The following ITSN1 variants were observed in gnomAD, a reference collection of about 807,000 sequenced individuals.
ITSN1 encodes the protein intersectin-1.
ITSN1 carries 58 observed loss-of-function variants against 239.8 expected under a neutral mutation model. The ratio of observed to expected loss-of-function variants is 0.24; its 90% CI spans 0.20 to 0.30. The LOEUF (loss-of-function observed/expected upper bound fraction) is 0.30, where lower values mean the gene tolerates loss of function less well. ITSN1 is among the 10% of genes least tolerant of loss of function. The pLI, the probability that ITSN1 is intolerant of heterozygous loss-of-function variation, is 1.00. For missense variants in ITSN1, 1,558 were observed against 2,103.3 expected (o/e 0.74, Z 5.07); for synonymous variants, 780 against 770.8 (o/e 1.01, Z -0.20).
intron 20 of ITSN1, among the ~76,000 whole-genome samples, chr21:33,809,800 AT>A (rs201399751): frequency 1.9e-4 from 29 of 150,676 alleles, no homozygotes; most frequent in Non-Finnish European, 2.2e-4. Context: ...TGAAAATAAA[AT>A]TTTTTTTTTG....
At chr21:33,819,906 C>T (rs1343491811) in intron 24 of ITSN1, among the ~76,000 whole-genome samples, 2 of 152,132 alleles carry the variant, frequency 1.3e-5, no homozygotes, top group African/African-American at 4.8e-5. Context: ...GGCGTGAACC[C>T]GGGAAGCGGA....
intron 14 of ITSN1, among the ~76,000 whole-genome samples, chr21:33,778,526 T>A (rs2069834425): frequency 6.6e-6 from 1 of 150,978 alleles, no homozygotes; most frequent in Admixed American, 6.6e-5. Flanking sequence ...GTTTATATTA[T>A]CTAAATTATT....
intron 20 of ITSN1, among the ~76,000 whole-genome samples, chr21:33,804,833 CTAA>C (rs1202758249): frequency 6.6e-6 from 1 of 152,040 alleles, no homozygotes; most frequent in African/African-American, 2.4e-5. Context: ...TACACTAACA[CTAA>C]TAATAGCTGA....
chr21:33,774,820 A>G lies in ITSN1; in HGVS notation c.1397A>G (p.Glu466Gly). The G allele has an allele frequency of 6.2e-7, 1 of 1,614,018 alleles. No individual in the cohort carries two copies. The highest frequency in any genetic ancestry group is 8.5e-7 in the Non-Finnish European group (1 of 1,179,900). ...CTAAATCAAAGAAACAAAGAACAAG[A>G]GGACATAGTTGTACTGAAAGCAAAG... ...ELLNQRNKEQ[E>G]DIVVLKAKKK... Residue 466 changes from glutamate (E) to glycine (G), a missense_variant, in exon 13 of 40, where the codon GAG becomes GGG. Coordinates refer to ENST00000381318, the MANE Select transcript of ITSN1 (RefSeq NM_003024.3).
At chr21:33,715,867 A>G (rs1601802995) in intron 1 of ITSN1, among the ~76,000 whole-genome samples, 1 of 152,150 alleles carries the variant, frequency 6.6e-6, no homozygotes, top group Admixed American at 6.5e-5. Flanking sequence ...GCAGTGAGCC[A>G]AGATTGCACC....
In ITSN1 at chr21:33,865,217, G is replaced by C. The variant is rs760139589; in HGVS notation, c.3957G>C (p.Leu1319=). Residue 1319 remains leucine, a synonymous_variant, in exon 32 of 40, where the codon CTG becomes CTC. Transcript: ENST00000381318. The surrounding 1 kb of genome is among the most constrained non-coding windows in gnomAD (Gnocchi z 4.4). ...KMPVKMIGDI[L]SAQLPHMQPY... Reference sequence around the variant, plus strand: ...CTGTGAAGATGATTGGAGACATCCTGAGCGCACAGCTGCCGCACATGCAGC... The same window carrying C: ...CTGTGAAGATGATTGGAGACATCCTCAGCGCACAGCTGCCGCACATGCAGC... The C allele has an allele frequency of 6.2e-7, 1 of 1,613,954 alleles. No homozygotes were observed. The highest frequency in any genetic ancestry group is 8.5e-7 in the Non-Finnish European group (1 of 1,179,978).
intron 1 of ITSN1, among the ~76,000 whole-genome samples, chr21:33,665,351 T>C (rs990084392): frequency 6.6e-6 from 1 of 152,062 alleles, no homozygotes; most frequent in African/African-American, 2.4e-5. Flanking sequence ...AAAGAAGATA[T>C]CCAAATGGTC....
At chr21:33,799,538 C>A (rs1333816425) in intron 18 of ITSN1, among the ~76,000 whole-genome samples, 5 of 152,258 alleles carry the variant, frequency 3.3e-5, no homozygotes, top group African/African-American at 1.2e-4. Context: ...AGACAAGGGA[C>A]CTTTAGGCAG....
intron 16 of ITSN1, among the ~76,000 whole-genome samples, chr21:33,793,000 T>A (rs2071266749): frequency 6.6e-6 from 1 of 151,714 alleles, no homozygotes; most frequent in Non-Finnish European, 1.5e-5. Flanking sequence ...GACCCCTATC[T>A]CCAGTTAAAC....
intron 33 of ITSN1, among the ~76,000 whole-genome samples, chr21:33,874,307 A>G (rs560189630): frequency 6.6e-6 from 1 of 152,152 alleles, no homozygotes; most frequent in South Asian, 2.1e-4. Flanking sequence ...AAAAGCGCAC[A>G]CTTGCTCTGA....
Position 33,876,135 on chromosome 21 carries a change from TTC to T in ITSN1, c.4341+616_4341+617del, listed in dbSNP as rs1290673997. ...TTTCTTTCTTTCTTTCTTTCTTTCT[TTC>T]TTTCTTTCTTTCTTTCTCTCTCTCC... On this transcript the variant is annotated intron_variant, in intron 34 of 39. Transcript: ENST00000381318. Among the ~76,000 whole-genome samples, 10 of 15,068 alleles carry T rather than the reference TTC, an allele frequency of 6.6e-4. No individual in the cohort carries two copies. In the African/African-American group the frequency reaches 9.7e-3, roughly 15 times the overall value. The allele number at this position is 15,068 out of a possible 152,430, so 9.9% of individuals were successfully genotyped here.
intron 33 of ITSN1, among the ~76,000 whole-genome samples, chr21:33,873,523 T>C (rs948449197): frequency 2.6e-5 from 4 of 152,190 alleles, no homozygotes; most frequent in South Asian, 2.1e-4. Context: ...CCACACACCA[T>C]ATAAAGGAGG....
intron 14 of ITSN1, among the ~76,000 whole-genome samples, chr21:33,776,793 C>CTTTTTTTTTTTTTTTTTTTT (rs2069665975): frequency 1.3e-5 from 2 of 151,830 alleles, no homozygotes; most frequent in African/African-American, 4.8e-5. Flanking sequence ...TGTAAAAGTT[C>CTTTTTTTTTTTTTTTTTTTT]TTTTTATATT....
intron 20 of ITSN1, 71 bp from the exon 21 acceptor site, chr21:33,810,904 C>A: frequency 6.4e-7 from 1 of 1,565,242 alleles, no homozygotes; most frequent in South Asian, 1.1e-5. Flanking sequence ...CTTGGGACTT[C>A]ACTGTAGTTG....
chr21:33,746,687 A>G (rs953749237), intron 5 of ITSN1, among the ~76,000 whole-genome samples: 1 of 152,044 alleles, frequency 6.6e-6, no homozygotes, highest in Non-Finnish European at 1.5e-5. Context: ...CTGAAAATAC[A>G]AAAAATTAGC....
chr21:33,858,904 CTT>C (rs60886019), intron 31 of ITSN1, 112 bp downstream of exon 31: 48 of 453,846 alleles, frequency 1.1e-4, no homozygotes, highest in South Asian at 2.6e-4. Flanking sequence ...TTCTTTCTGG[CTT>C]TTTTTTTTTC....
At chr21:33,862,947 C>T (rs1160644734) in intron 31 of ITSN1, among the ~76,000 whole-genome samples, 1 of 152,200 alleles carries the variant, frequency 6.6e-6, no homozygotes, top group Non-Finnish European at 1.5e-5. Flanking sequence ...AATCATTGAG[C>T]GCTCTTTGAA....
At position 33,885,139 on chromosome 21, in the gene ITSN1, G is replaced by A. The variant is rs1439596412; in HGVS notation, c.4759+16G>A. On this transcript the variant is annotated intron_variant, in intron 37 of 39. Coordinates refer to ENST00000381318, the MANE Select transcript of ITSN1 (RefSeq NM_003024.3). ...GCGTACCTGGGTAATGCATGGCCCC[G>A]CGGGGTGTCCTGCACAGCTGGGCAG... 3.7e-6 allele frequency: 6 copies of A among 1,606,192 alleles called. No homozygotes were observed. Among genetic ancestry groups the A allele is most frequent in the African/African-American group, 2.7e-5 (2 of 74,878 alleles).
At chr21:33,680,335 C>CTT (rs766411012) in intron 1 of ITSN1, among the ~76,000 whole-genome samples, 2 of 138,576 alleles carry the variant, frequency 1.4e-5, no homozygotes, top group Non-Finnish European at 3.2e-5. Context: ...TTTCTTTTTT[C>CTT]TTTTTTTTTT....
Sources: gnomAD v4.1 joint callset for allele counts (sites outside exome capture counted in the v4.1 genomes callset) on GRCh38, gnomAD v4.1.1 for gene constraint, Gnocchi (gnomAD v3.1) non-coding constraint, MANE v1.5 for transcripts, NCBI Gene and HGNC (gene_info 2026-07-23, HGNC 2026-07-21) for gene names.